Variants in RGS12 observed in about 807,000 individuals in gnomAD.
The protein encoded by RGS12 is regulator of G-protein signaling 12.
Under a neutral mutation model 120.1 loss-of-function variants are expected in RGS12, and 66 were observed. The observed-to-expected ratio is 0.55, with a 90% CI of 0.45 to 0.67. The LOEUF is 0.67. Ranked by LOEUF, RGS12 falls within the 30% of genes least tolerant of loss-of-function variation. The probability of loss-of-function intolerance (pLI) is 0.00; values close to 1 mark genes in which losing one functional copy is unlikely to be tolerated. For missense variants in RGS12, 1,859 were observed against 1,957.7 expected (o/e 0.95, Z 0.95); for synonymous variants, 827 against 804.7 (o/e 1.03, Z -0.47).
At chr4:3,429,175 G>A (rs1178398264) in intron 16 of RGS12, among the ~76,000 whole-genome samples, 2 of 152,042 alleles carry the variant, frequency 1.3e-5, no homozygotes, top group African/African-American at 4.8e-5. Flanking sequence ...CTTGGCTGCG[G>A]GGGTCAGTGA....
At chr4:3,429,476 C>T (rs1456160552) in intron 16 of RGS12, among the ~76,000 whole-genome samples, 1 of 152,200 alleles carries the variant, frequency 6.6e-6, no homozygotes, top group Non-Finnish European at 1.5e-5. Flanking sequence ...CCACCGAGCA[C>T]AAGTAAATCA....
At chr4:3,435,974 CCCCTATTCCCCACT>C (rs1724768912) in intron 17 of RGS12, among the ~76,000 whole-genome samples, 1 of 152,080 alleles carries the variant, frequency 6.6e-6, no homozygotes. Context: ...ATTCCCCACT[CCCCTATTCCCCACT>C]CACCACACTG....
chr4:3,394,311 C>T (rs983971688), intron 4 of RGS12, among the ~76,000 whole-genome samples: 1 of 152,114 alleles, frequency 6.6e-6, no homozygotes, highest in Admixed American at 6.5e-5. Context: ...TGCAGATGTA[C>T]ACCACCACGC....
intron 3 of RGS12, among the ~76,000 whole-genome samples, chr4:3,373,251 G>A (rs1578856467): frequency 1.3e-5 from 2 of 152,234 alleles, no homozygotes; most frequent in African/African-American, 2.4e-5. Flanking sequence ...CTTCCCTCGC[G>A]AGTCTACCAC....
At chr4:3,320,160 G>A (rs1259647119) in intron 2 of RGS12, among the ~76,000 whole-genome samples, 2 of 152,228 alleles carry the variant, frequency 1.3e-5, no homozygotes, top group African/African-American at 4.8e-5. Context: ...CTGGACAGTG[G>A]GGAGTATGAT....
intron 4 of RGS12, among the ~76,000 whole-genome samples, chr4:3,406,779 C>T (rs1249892389): frequency 6.6e-6 from 1 of 152,158 alleles, no homozygotes; most frequent in Non-Finnish European, 1.5e-5. Flanking sequence ...GGTGTGGCAC[C>T]CCACCTCGGA....
chr4:3,318,046 A>T lies in RGS12; in HGVS notation c.1876A>T (p.Lys626Ter). ...AAATGTTCGAAAGACTAAGGAAGATAAAAAGGTAAGCCTGCCAGGAGCCAC... is the reference window on the plus strand; with the variant it reads ...AAATGTTCGAAAGACTAAGGAAGATTAAAAGGTAAGCCTGCCAGGAGCCAC... The part of the protein sequence containing the change: ...HRNVRKTKED[K>*]KGSKFGRGTG... Residue 626 changes from lysine to a stop codon, truncating the protein, a stop_gained, in exon 2 of 18, where the codon AAA becomes TAA. Coordinates refer to ENST00000336727, the MANE Select transcript of RGS12 (RefSeq NM_001394154.1). LOFTEE classifies it high-confidence loss of function. The T allele has an allele frequency of 6.2e-7, 1 of 1,600,616 alleles. No individual in the cohort carries two copies. The highest frequency in any genetic ancestry group is 8.5e-7 in the Non-Finnish European group (1 of 1,171,504).
At chr4:3,302,858 G>C (rs1723761609) in intron 1 of RGS12, among the ~76,000 whole-genome samples, 1 of 152,068 alleles carries the variant, frequency 6.6e-6, no homozygotes, top group Non-Finnish European at 1.5e-5. Context: ...TTTCAAGAGA[G>C]AGTGATTTTT....
chr4:3,356,156 C>T (rs1304365794), intron 3 of RGS12, among the ~76,000 whole-genome samples: 19 of 150,780 alleles, frequency 1.3e-4, no homozygotes, highest in Admixed American at 2.0e-4. Flanking sequence ...TGGGCTCAGG[C>T]GATCCTTTGG....
At chr4:3,288,546 G>A (rs116028648), upstream of RGS12, among the ~76,000 whole-genome samples, 8 of 152,156 alleles carry the variant, frequency 5.3e-5, no homozygotes, top group African/African-American at 1.4e-4. This position sits in a 1 kb window ranked among gnomAD's most constrained non-coding sequence, Gnocchi z 5.2. Context: ...CAACTCTCTC[G>A]GGAGGACAGA....
chr4:3,398,438 G>A (rs565404875), intron 4 of RGS12, among the ~76,000 whole-genome samples: 20 of 152,196 alleles, frequency 1.3e-4, no homozygotes, highest in Admixed American at 5.2e-4. Flanking sequence ...TTTGAGACCA[G>A]CCTGGGCAAT....
chr4:3,409,207 C>T (rs1269254830), intron 4 of RGS12, among the ~76,000 whole-genome samples: 1 of 152,186 alleles, frequency 6.6e-6, no homozygotes, highest in Non-Finnish European at 1.5e-5. Flanking sequence ...GTTTCCTGTA[C>T]ACAGCATCTG....
rs767359749 is a variant in RGS12 at position 3,417,710 on chromosome 4, G to A, written c.2761+169G>A. The A allele has an allele frequency of 4.4e-6, 3 of 678,120 alleles. No individual in the cohort carries two copies. In the Admixed American group the frequency reaches 9.1e-5, roughly 21 times the overall value. 42.0% of individuals were successfully genotyped at this position (678,120 alleles called of 1,614,324 possible). ...GAATAAGGAATGCCGCTGTGTCTGG[G>A]GACACGACCTGTCAGCCAGCCAGAG... On this transcript the variant is annotated intron_variant, in intron 9 of 17. Transcript: ENST00000336727.
intron 4 of RGS12, among the ~76,000 whole-genome samples, chr4:3,392,818 G>A (rs566327299): frequency 3.9e-5 from 6 of 152,080 alleles, no homozygotes; most frequent in East Asian, 1.9e-4. Context: ...GTGAAACCCC[G>A]TGTCTAATAA....
At chr4:3,343,293 G>A (rs74334641) in intron 3 of RGS12, 21,697 of 454,334 alleles carry the variant, frequency 0.048, 1,151 homozygotes, top group African/African-American at 0.19. Context: ...CCAGACTCCA[G>A]TGAACACTTC....
At chr4:3,424,225 G>T (rs910253390) in intron 13 of RGS12, among the ~76,000 whole-genome samples, 1 of 152,268 alleles carries the variant, frequency 6.6e-6, no homozygotes, top group African/African-American at 2.4e-5. Context: ...GCTCTGGAGC[G>T]TGGGGGTTCC....
intron 4 of RGS12, among the ~76,000 whole-genome samples, chr4:3,400,939 T>C (rs976377989): frequency 4.6e-5 from 7 of 151,864 alleles, no homozygotes; most frequent in African/African-American, 1.7e-4. Context: ...GTTTTAACAT[T>C]GTATTGAGAT....
intron 16 of RGS12, among the ~76,000 whole-genome samples, chr4:3,429,384 C>G (rs537849705): frequency 6.6e-6 from 1 of 152,350 alleles, no homozygotes; most frequent in Admixed American, 6.5e-5. Context: ...GCCAGTCCAC[C>G]TGGCGTGTCA....
chr4:3,370,456 T>C, intron 3 of RGS12: 2 of 886,264 alleles, frequency 2.3e-6, no homozygotes, highest in Non-Finnish European at 3.6e-6. Context: ...ATGGTTTTCA[T>C]GTGTCTGCAC....
Sources: allele counts gnomAD v4.1 joint callset (sites outside exome capture counted in the v4.1 genomes callset), GRCh38; gene constraint gnomAD v4.1.1; non-coding constraint Gnocchi (gnomAD v3.1); transcripts MANE v1.5; gene names NCBI Gene and HGNC (gene_info 2026-07-23, HGNC 2026-07-21).